C11orf65: variants seen among roughly 807,000 people sequenced by gnomAD.
The protein encoded by C11orf65 is protein MFI.
C11orf65 carries 38 observed loss-of-function variants against 35.3 expected under a neutral mutation model. The ratio of observed to expected loss-of-function variants is 1.08; its 90% CI spans 0.83 to 1.41. The LOEUF is 1.41. Among genes scored for constraint, C11orf65 ranks in the 40% most tolerant of loss-of-function variants. The pLI, the probability that C11orf65 is intolerant of heterozygous loss-of-function variation, is 0.00. For synonymous variants in C11orf65, 105 were observed against 114.4 expected, an observed-to-expected ratio of 0.92 and a Z score of 0.53; for missense variants, 370 against 367.1, an observed-to-expected ratio of 1.01 and a Z score of -0.06.
chr11:108,450,464 G>A (rs1410011634), intron 2 of C11orf65, among the ~76,000 whole-genome samples: 1 of 151,642 alleles, frequency 6.6e-6, no homozygotes. Flanking sequence ...ATGAGTTCAT[G>A]ACCTTTGTAG....
chr11:108,442,223 T>C (rs560827808), intron 2 of C11orf65, among the ~76,000 whole-genome samples: 1 of 152,208 alleles, frequency 6.6e-6, no homozygotes, highest in Non-Finnish European at 1.5e-5. Flanking sequence ...AGAAAGGGTA[T>C]CAGTGATTGA....
Position 108,354,678 on chromosome 11 carries a change from G to C in C11orf65, c.227-19386C>G. ...GAAAGCCCACTCTGCCAAGTATTATGCTATTTTGAGATACAGATATGTAGA... is the reference window on the plus strand; with the variant it reads ...GAAAGCCCACTCTGCCAAGTATTATCCTATTTTGAGATACAGATATGTAGA... On this transcript the variant is annotated intron_variant, in intron 2 of 3. Coordinates refer to the C11orf65 transcript ENST00000524755. The C allele has an allele frequency of 7.3e-6, 6 of 827,502 alleles. No homozygotes were observed. In the South Asian group the frequency reaches 8.3e-5, roughly 11 times the overall value. 51.3% of individuals were successfully genotyped at this position (827,502 alleles called of 1,614,324 possible). A position where few individuals can be genotyped will look rare whatever the true frequency, so the allele number is the denominator to read the frequency against.
chr11:108,428,241 AAGAC>A (rs2092936309), intron 3 of C11orf65, among the ~76,000 whole-genome samples: 1 of 152,186 alleles, frequency 6.6e-6, no homozygotes, highest in African/African-American at 2.4e-5. Flanking sequence ...CCAGTTGTGG[AAGAC>A]AGTGTGACAA....
chr11:108,395,201 T>C (rs1329056990), intron 6 of C11orf65, among the ~76,000 whole-genome samples: 3 of 150,534 alleles, frequency 2.0e-5, no homozygotes, highest in South Asian at 2.1e-4. Context: ...CATAAATCCA[T>C]GTGGGATGGG....
At chr11:108,385,842 A>T in intron 8 of C11orf65, 78 bp downstream of exon 8, 1 of 1,182,718 alleles carries the variant, frequency 8.5e-7, no homozygotes, top group Non-Finnish European at 1.3e-6. Flanking sequence ...TGAAATGTTA[A>T]ATGCCTAGAA....
intron 2 of C11orf65, among the ~76,000 whole-genome samples, chr11:108,438,650 G>A (rs773940723): frequency 5.3e-5 from 8 of 152,016 alleles, no homozygotes; most frequent in Non-Finnish European, 1.0e-4. Context: ...ATTTGGTAAT[G>A]ATTTCTTGGA....
chr11:108,376,873 A>G (rs532190752), intron 2 of C11orf65, among the ~76,000 whole-genome samples: 1 of 151,860 alleles, frequency 6.6e-6, no homozygotes, highest in South Asian at 2.1e-4. Flanking sequence ...TAAACTAGAA[A>G]ATCTAGAAGA....
At chr11:108,436,420 T>TA (rs1241878757) in intron 2 of C11orf65, among the ~76,000 whole-genome samples, 3 of 152,170 alleles carry the variant, frequency 2.0e-5, no homozygotes, top group Non-Finnish European at 4.4e-5. Context: ...TAGAGTATGG[T>TA]TCAGCAAAAA....
Position 108,406,764 on chromosome 11 carries a change from G to T in C11orf65, c.428C>A (p.Thr143Lys), listed in dbSNP as rs1317489731. 6.3e-7 allele frequency: 1 copy of T among 1,579,512 alleles called. No individual in the cohort carries two copies. The highest frequency in any genetic ancestry group is 1.2e-5 in the South Asian group (1 of 85,540). ...AAATTAACATTTCTCTTTTCTTACT[G>T]TATCAGAAACTGGCCTCCAGCCATT... ...ENNGWRPVSD[T>K]FWLSTDGMVV... Residue 143 changes from threonine to lysine, a missense_variant and splice_region_variant, in exon 5 of 9, where the codon ACA (threonine) becomes AAA (lysine). Physicochemically the swap from Thr to Lys is moderately conservative, Grantham distance 78. Coordinates refer to ENST00000393084, the MANE Select transcript of C11orf65 (RefSeq NM_152587.5).
chr11:108,370,233 A>C (rs1420409544), intron 2 of C11orf65, among the ~76,000 whole-genome samples: 1 of 151,954 alleles, frequency 6.6e-6, no homozygotes, highest in East Asian at 1.9e-4. Context: ...AGTTTTTCCT[A>C]ATTATTACTG....
chr11:108,330,111 TAAAA>T, downstream of C11orf65: 1 of 1,372,300 alleles, frequency 7.3e-7, no homozygotes, highest in Non-Finnish European at 1.0e-6. Context: ...TTCCCTGGGA[TAAAA>T]ACCCAACTTT....
intron 6 of C11orf65, chr11:108,320,200 G>A: frequency 3.0e-6 from 2 of 674,592 alleles, no homozygotes; most frequent in Non-Finnish European, 5.2e-6. Flanking sequence ...ATGTTTCCTT[G>A]TAATTCTCTG....
At chr11:108,409,011 CATA>C (rs1162659332) in intron 3 of C11orf65, among the ~76,000 whole-genome samples, 1 of 152,022 alleles carries the variant, frequency 6.6e-6, no homozygotes, top group Admixed American at 6.6e-5. Flanking sequence ...ATATTTGAGC[CATA>C]ATAATATATA....
intron 2 of C11orf65, among the ~76,000 whole-genome samples, chr11:108,336,637 A>T (rs1424044976): frequency 6.6e-6 from 1 of 152,236 alleles, no homozygotes; most frequent in Non-Finnish European, 1.5e-5. Flanking sequence ...AACCTTGAAC[A>T]TACAAATTTC....
At chr11:108,398,212 A>G (rs1429129751) in intron 6 of C11orf65, among the ~76,000 whole-genome samples, 1 of 152,214 alleles carries the variant, frequency 6.6e-6, no homozygotes, top group Non-Finnish European at 1.5e-5. Context: ...GAGACCAGGA[A>G]ACTAATTAGA....
chr11:108,374,627 G>A (rs1433274195), intron 2 of C11orf65, among the ~76,000 whole-genome samples: 1 of 152,240 alleles, frequency 6.6e-6, no homozygotes. Flanking sequence ...ATGGAACAAA[G>A]CTGGATGGAG....
chr11:108,331,598 T>C, intron 3 of C11orf65: 3 of 1,512,702 alleles, frequency 2.0e-6, no homozygotes, highest in Non-Finnish European at 2.7e-6. Flanking sequence ...ATTATTTTTA[T>C]TCTATTATTA....
At chr11:108,332,913 T>TA in intron 3 of C11orf65, 1 of 1,609,596 alleles carries the variant, frequency 6.2e-7, no homozygotes, top group Non-Finnish European at 8.5e-7. Flanking sequence ...ATGTTTTTTT[T>TA]AAAGAAGAAA....
chr11:108,358,459 T>C (rs1447076230), intron 2 of C11orf65, among the ~76,000 whole-genome samples: 1 of 150,924 alleles, frequency 6.6e-6, no homozygotes, highest in Non-Finnish European at 1.5e-5. Context: ...ACAAAGATAC[T>C]CTTTGAGAAG....
Sources: allele counts gnomAD v4.1 joint callset (sites outside exome capture counted in the v4.1 genomes callset), GRCh38; gene constraint gnomAD v4.1.1; transcripts MANE v1.5; gene names NCBI Gene and HGNC (gene_info 2026-07-23, HGNC 2026-07-21).